The following NAALAD2 variants were observed in gnomAD, a reference collection of about 807,000 sequenced individuals.
The protein encoded by NAALAD2 is N-acetylated alpha-linked acidic dipeptidase 2, also known as N-acetylated-alpha-linked acidic dipeptidase 2.
In NAALAD2, 89 loss-of-function variants were observed where a neutral mutation model predicts 95.6. That is an observed-to-expected ratio of 0.93 (90% CI 0.78 to 1.11). The LOEUF (loss-of-function observed/expected upper bound fraction) is 1.11. NAALAD2 is among the 50% of genes least tolerant of loss of function. The pLI, the probability that NAALAD2 is intolerant of heterozygous loss-of-function variation, is 0.00. For synonymous variants in NAALAD2, 264 were observed against 294.4 expected, an observed-to-expected ratio of 0.90 and a Z score of 1.06; for missense variants, 894 against 872.4, an observed-to-expected ratio of 1.02 and a Z score of -0.31.
chr11:90,178,222 T>C, intron 16 of NAALAD2, 105 bp downstream of exon 16: 1 of 1,294,946 alleles, frequency 7.7e-7, no homozygotes. Context: ...AATACATATT[T>C]GCCTTACTTA....
intron 8 of NAALAD2, 99 bp from the exon 9 acceptor site, chr11:90,162,850 T>C: frequency 1.5e-6 from 1 of 673,684 alleles, no homozygotes; most frequent in Non-Finnish European, 2.5e-6. Flanking sequence ...GCACAGCTTT[T>C]CATAATAAAA....
Position 90,135,882 on chromosome 11 carries a change from A to G in NAALAD2, c.194+212A>G, listed in dbSNP as rs1250523587. ...TCCCTAACTTTATGTAACAAAAAGT[A>G]TCTGGTTGGCTTATTGAGAGATGTT... is the stretch of plus-strand genomic sequence containing the variant. On this transcript the variant is annotated intron_variant, in intron 2 of 18. Coordinates refer to ENST00000534061, the MANE Select transcript of NAALAD2 (RefSeq NM_005467.4). Among the ~76,000 whole-genome samples, 8 of 151,962 alleles carry G rather than the reference A, an allele frequency of 5.3e-5. No homozygotes were observed. In the South Asian group the frequency reaches 1.7e-3, roughly 32 times the overall value.
chr11:90,134,093 G>A (rs576000018), upstream of NAALAD2, among the ~76,000 whole-genome samples: 2 of 152,288 alleles, frequency 1.3e-5, no homozygotes, highest in African/African-American at 4.8e-5. Flanking sequence ...GGTCCTTTCA[G>A]TGATTACTTT....
At chr11:90,149,981 G>A (rs1264074637) in intron 4 of NAALAD2, among the ~76,000 whole-genome samples, 1 of 152,124 alleles carries the variant, frequency 6.6e-6, no homozygotes, top group Non-Finnish European at 1.5e-5. Context: ...GCTGGGTGTG[G>A]TGGCTCACAC....
chr11:90,177,383 T>G (rs572604750), intron 15 of NAALAD2, among the ~76,000 whole-genome samples: 1 of 151,892 alleles, frequency 6.6e-6, no homozygotes, highest in East Asian at 1.9e-4. Flanking sequence ...TGAATATGTA[T>G]TCCCTAATTT....
At position 90,191,641 on chromosome 11, in the gene NAALAD2, A is replaced by G; in HGVS notation, c.2117A>G (p.Glu706Gly). 1 of 1,607,882 alleles carries G rather than the reference A, an allele frequency of 6.2e-7. No individual in the cohort carries two copies. The highest frequency in any genetic ancestry group is 8.5e-7 in the Non-Finnish European group (1 of 1,177,156). The change falls in exon 19 of 19, where the codon GAA becomes GGA. Residue 706 changes from glutamate to glycine, a missense_variant. Transcript: ENST00000534061. The part of the protein sequence containing the change: ...PGIYDAIFDI[E>G]NKANSRLAWK... Reference sequence around the variant, plus strand: ...ATCTATGATGCTATCTTTGATATTGAAAATAAAGCCAACTCTCGTTTGGCC... The same window carrying G: ...ATCTATGATGCTATCTTTGATATTGGAAATAAAGCCAACTCTCGTTTGGCC...
intron 18 of NAALAD2, among the ~76,000 whole-genome samples, chr11:90,184,618 A>G (rs1008502943): frequency 5.3e-5 from 8 of 152,028 alleles, no homozygotes; most frequent in African/African-American, 1.4e-4. Flanking sequence ...AGAAATCTAT[A>G]TTTTGTCATT....
chr11:90,166,897 C>T (rs1280974944), intron 11 of NAALAD2, among the ~76,000 whole-genome samples: 3 of 151,808 alleles, frequency 2.0e-5, no homozygotes, highest in African/African-American at 7.3e-5. Flanking sequence ...TGCCTGTAAT[C>T]TCAGCACTTT....
intron 6 of NAALAD2, among the ~76,000 whole-genome samples, chr11:90,155,724 TA>T (rs1469795747): frequency 4.0e-5 from 2 of 50,198 alleles, no homozygotes; most frequent in Non-Finnish European, 6.9e-5. Context: ...ATGTATGTAA[TA>T]CATACATACA....
chr11:90,138,360 G>A (rs1249281337), intron 2 of NAALAD2, among the ~76,000 whole-genome samples: 1 of 152,026 alleles, frequency 6.6e-6, no homozygotes, highest in Non-Finnish European at 1.5e-5. Context: ...AGTCAGGAAA[G>A]GCAGTCACAT....
intron 18 of NAALAD2, among the ~76,000 whole-genome samples, chr11:90,189,580 C>A (rs1418772838): frequency 2.0e-5 from 3 of 151,974 alleles, no homozygotes; most frequent in Non-Finnish European, 2.9e-5. Flanking sequence ...ACCAGCCTGG[C>A]CAACATGGTG....
intron 16 of NAALAD2, among the ~76,000 whole-genome samples, chr11:90,180,816 A>AC (rs1565547107): frequency 6.6e-6 from 1 of 152,094 alleles, no homozygotes; most frequent in African/African-American, 2.4e-5. Flanking sequence ...AGAAAAAAAA[A>AC]CCCATTAAGT....
intron 13 of NAALAD2, among the ~76,000 whole-genome samples, chr11:90,172,227 A>G (rs1453346516): frequency 6.6e-6 from 1 of 152,186 alleles, no homozygotes; most frequent in Non-Finnish European, 1.5e-5. Context: ...TGAGCAGAAC[A>G]TCTCTGCAGC....
chr11:90,156,073 A>C (rs142255072), intron 6 of NAALAD2, among the ~76,000 whole-genome samples: 11 of 151,694 alleles, frequency 7.3e-5, no homozygotes, highest in Admixed American at 5.3e-4. Flanking sequence ...CAGGTACTAG[A>C]GTGATATTCT....
chr11:90,134,260 G>A (rs753087767), upstream of NAALAD2, among the ~76,000 whole-genome samples: 4 of 152,192 alleles, frequency 2.6e-5, no homozygotes, highest in Admixed American at 6.5e-5. Context: ...TGCGGTATTA[G>A]TGATGTTAAC....
chr11:90,163,625 A>C lies in NAALAD2; in HGVS notation c.1278+8A>C. On this transcript the variant is annotated splice_region_variant and intron_variant, in intron 11 of 18. Coordinates refer to ENST00000534061, the MANE Select transcript of NAALAD2 (RefSeq NM_005467.4). Reference sequence around the variant, plus strand: ...TCCACAGAATGGGCTGAGGTAAATAAGACAAAGAAGGTTCTTATTATTTTT... The same window carrying C: ...TCCACAGAATGGGCTGAGGTAAATACGACAAAGAAGGTTCTTATTATTTTT... The C allele has an allele frequency of 6.2e-7, 1 of 1,613,362 alleles. No individual in the cohort carries two copies. The highest frequency in any genetic ancestry group is 8.5e-7 in the Non-Finnish European group (1 of 1,179,282).
intron 18 of NAALAD2, among the ~76,000 whole-genome samples, chr11:90,188,897 T>A (rs889911674): frequency 6.6e-6 from 1 of 152,192 alleles, no homozygotes; most frequent in African/African-American, 2.4e-5. Context: ...AGCATAATAA[T>A]GGCCTCCCAA....
chr11:90,143,170 G>A (rs1943357), intron 2 of NAALAD2, among the ~76,000 whole-genome samples: 68,719 of 151,778 alleles, frequency 0.45, 16,604 homozygotes, highest in African/African-American at 0.62. Flanking sequence ...GGTATTTATC[G>A]TTTTTGATGC....
chr11:90,144,218 T>A (rs1164543394), intron 2 of NAALAD2, among the ~76,000 whole-genome samples: 2 of 152,128 alleles, frequency 1.3e-5, no homozygotes, highest in Non-Finnish European at 2.9e-5. Flanking sequence ...GAGGCATGAC[T>A]CAAAGTTTTG....
Sources: gnomAD v4.1 joint callset for allele counts (sites outside exome capture counted in the v4.1 genomes callset) on GRCh38, gnomAD v4.1.1 for gene constraint, MANE v1.5 for transcripts, NCBI Gene and HGNC (gene_info 2026-07-23, HGNC 2026-07-21) for gene names.